The following SLC35F1 variants were observed in gnomAD, a reference collection of about 807,000 sequenced individuals.
The protein encoded by SLC35F1 is chromosome 6 open reading frame 169.
Under a neutral mutation model 48.7 loss-of-function variants are expected in SLC35F1, and 14 were observed. The observed-to-expected ratio is 0.29, with a 90% CI of 0.19 to 0.45. The LOEUF (loss-of-function observed/expected upper bound fraction) is 0.45, where lower values mean the gene tolerates loss of function less well. Ranked by LOEUF, SLC35F1 falls within the 20% of genes least tolerant of loss-of-function variation. The probability of loss-of-function intolerance (pLI) is 1.00; values close to 1 mark genes in which losing one functional copy is unlikely to be tolerated. For synonymous variants in SLC35F1, 190 were observed against 202.2 expected (o/e 0.94, Z 0.51); for missense variants, 404 against 500.0 (o/e 0.81, Z 1.83).
chr6:118,295,558 A>G (rs995960724), intron 7 of SLC35F1, among the ~76,000 whole-genome samples: 4 of 152,208 alleles, frequency 2.6e-5, no homozygotes, highest in Non-Finnish European at 4.4e-5. Context: ...CCTCTGTGTC[A>G]GTGAGCAATC....
intron 5 of SLC35F1, among the ~76,000 whole-genome samples, chr6:118,277,087 T>A (rs1775926744): frequency 6.6e-6 from 1 of 152,346 alleles, no homozygotes; most frequent in South Asian, 2.1e-4. Context: ...TCCAGTTGGC[T>A]GTCATGTACA....
intron 1 of SLC35F1, among the ~76,000 whole-genome samples, chr6:117,956,749 C>T (rs993100638): frequency 1.2e-4 from 19 of 152,124 alleles, no homozygotes; most frequent in Non-Finnish European, 2.4e-4. Flanking sequence ...GTCAGTAAGG[C>T]CCCTGTTGGT....
chr6:118,010,516 T>G (rs1422179134), intron 1 of SLC35F1, among the ~76,000 whole-genome samples: 1 of 152,120 alleles, frequency 6.6e-6, no homozygotes, highest in East Asian at 1.9e-4. Context: ...TTCTTGGTAA[T>G]TTTTGACCCT....
intron 2 of SLC35F1, among the ~76,000 whole-genome samples, chr6:118,229,726 G>A (rs548737950): frequency 4.5e-4 from 68 of 152,168 alleles, no homozygotes; most frequent in South Asian, 1.2e-3. Flanking sequence ...ATATATATAG[G>A]GTTTTAATGA....
chr6:118,179,543 T>C (rs1383725550), intron 2 of SLC35F1, among the ~76,000 whole-genome samples: 1 of 152,146 alleles, frequency 6.6e-6, no homozygotes. Flanking sequence ...AATGCTATTC[T>C]TTTCTGGGAA....
At chr6:118,244,643 T>A (rs1775484528) in intron 3 of SLC35F1, among the ~76,000 whole-genome samples, 1 of 152,244 alleles carries the variant, frequency 6.6e-6, no homozygotes, top group Non-Finnish European at 1.5e-5. Context: ...CTTTATTCAT[T>A]TCTTCATCTT....
chr6:118,216,087 T>G (rs537312249), intron 2 of SLC35F1, among the ~76,000 whole-genome samples: 714 of 50,514 alleles, frequency 0.014, 2 homozygotes, highest in Non-Finnish European at 0.022. Context: ...TTGTTTTTTG[T>G]TTTTTTTTTT....
At chr6:118,265,186 A>G (rs771234123) in intron 3 of SLC35F1, among the ~76,000 whole-genome samples, 1 of 152,198 alleles carries the variant, frequency 6.6e-6, no homozygotes, top group Non-Finnish European at 1.5e-5. Context: ...GGGATTCACA[A>G]TGCTATTTGC....
chr6:118,159,219 T>TAAA (rs1774190450), intron 2 of SLC35F1, among the ~76,000 whole-genome samples: 1 of 14,310 alleles, frequency 7.0e-5, no homozygotes, highest in Non-Finnish European at 1.1e-4. Context: ...AGACTCTGTC[T>TAAA]CAAAAAAAAA....
chr6:118,086,799 T>C (rs2114333907), intron 1 of SLC35F1, among the ~76,000 whole-genome samples: 1 of 152,318 alleles, frequency 6.6e-6, no homozygotes, highest in South Asian at 2.1e-4. Context: ...CCTCATTTTG[T>C]ACTTGTCCTT....
chr6:118,297,813 C>T (rs936754176), intron 7 of SLC35F1, among the ~76,000 whole-genome samples: 2 of 145,136 alleles, frequency 1.4e-5, no homozygotes, highest in Non-Finnish European at 3.0e-5. Flanking sequence ...AGCACTGCAC[C>T]CTGATATGGT....
At chr6:118,039,643 A>C (rs551777540) in intron 1 of SLC35F1, among the ~76,000 whole-genome samples, 2 of 151,820 alleles carry the variant, frequency 1.3e-5, no homozygotes, top group South Asian at 4.2e-4. Context: ...TCTTTTTTTA[A>C]AAAATTGCAT....
intron 1 of SLC35F1, among the ~76,000 whole-genome samples, chr6:117,929,283 G>A (rs1056887216): frequency 6.6e-6 from 1 of 151,952 alleles, no homozygotes; most frequent in South Asian, 2.1e-4. Context: ...TTCTTCCCTG[G>A]CAATACTCAT....
At chr6:118,184,209 C>T (rs1389790037) in intron 2 of SLC35F1, among the ~76,000 whole-genome samples, 1 of 152,148 alleles carries the variant, frequency 6.6e-6, no homozygotes, top group Non-Finnish European at 1.5e-5. Context: ...GACCACACAT[C>T]CTGGTTGGCC....
intron 2 of SLC35F1, among the ~76,000 whole-genome samples, chr6:118,179,915 G>C (rs187137658): frequency 1.3e-5 from 2 of 152,216 alleles, no homozygotes; most frequent in East Asian, 1.9e-4. Flanking sequence ...CATTCAAAAG[G>C]AAAGGCTTGG....
At chr6:118,167,612 A>G (rs1309812824) in intron 2 of SLC35F1, among the ~76,000 whole-genome samples, 1 of 152,202 alleles carries the variant, frequency 6.6e-6, no homozygotes, top group African/African-American at 2.4e-5. Flanking sequence ...GTGTACACCT[A>G]TATAGAGCAG....
intron 7 of SLC35F1, among the ~76,000 whole-genome samples, chr6:118,299,993 T>C (rs1776237151): frequency 6.6e-6 from 1 of 152,240 alleles, no homozygotes; most frequent in African/African-American, 2.4e-5. Context: ...AATCATTTAC[T>C]GCAATATCCA....
intron 1 of SLC35F1, among the ~76,000 whole-genome samples, chr6:118,048,931 G>A (rs1293536936): frequency 6.6e-6 from 1 of 152,142 alleles, no homozygotes; most frequent in Non-Finnish European, 1.5e-5. Context: ...AAAGAACAAA[G>A]CTGGAGGCCT....
At chr6:118,125,450 G>A (rs762034421) in intron 1 of SLC35F1, among the ~76,000 whole-genome samples, 20 of 152,078 alleles carry the variant, frequency 1.3e-4, no homozygotes, top group Non-Finnish European at 2.5e-4. Context: ...GAATTTTTCT[G>A]AAAGGTGAAA....
Sources: gnomAD v4.1 joint callset for allele counts (sites outside exome capture counted in the v4.1 genomes callset) on GRCh38, gnomAD v4.1.1 for gene constraint, MANE v1.5 for transcripts, NCBI Gene and HGNC (gene_info 2026-07-23, HGNC 2026-07-21) for gene names.